The following MDGA2 variants were observed in gnomAD, a reference collection of about 807,000 sequenced individuals.
MDGA2 encodes MAM domain-containing glycosylphosphatidylinositol anchor protein 2.
In MDGA2, 40 loss-of-function variants were observed where a neutral mutation model predicts 117.8. The observed-to-expected ratio is 0.34, with a 90% CI of 0.26 to 0.44. MDGA2 has a LOEUF of 0.44. MDGA2 is among the 20% of genes least tolerant of loss of function. The probability of loss-of-function intolerance (pLI) is 1.00; values close to 1 mark genes in which losing one functional copy is unlikely to be tolerated. For synonymous variants in MDGA2, 452 were observed against 439.0 expected (o/e 1.03, Z -0.37); for missense variants, 1,123 against 1,250.6 (o/e 0.90, Z 1.54).
intron 8 of MDGA2, among the ~76,000 whole-genome samples, chr14:47,021,600 G>A (rs1297932118): frequency 6.6e-6 from 1 of 152,050 alleles, no homozygotes; most frequent in Admixed American, 6.5e-5. Flanking sequence ...ATGCAATTTT[G>A]TCATCCATGC....
chr14:47,405,830 C>T (rs1261594831), intron 1 of MDGA2, among the ~76,000 whole-genome samples: 2 of 152,096 alleles, frequency 1.3e-5, no homozygotes, highest in Non-Finnish European at 1.5e-5. Flanking sequence ...AAAAGATTTA[C>T]CTCTACAAAG....
At chr14:47,571,696 T>C (rs1002444120) in intron 1 of MDGA2, among the ~76,000 whole-genome samples, 2 of 150,270 alleles carry the variant, frequency 1.3e-5, no homozygotes, top group South Asian at 2.1e-4. Context: ...TAAGTGGGAA[T>C]TGATCAATGA....
At chr14:47,509,780 A>G (rs1455595124) in intron 1 of MDGA2, among the ~76,000 whole-genome samples, 1 of 152,192 alleles carries the variant, frequency 6.6e-6, no homozygotes, top group Non-Finnish European at 1.5e-5. Context: ...CTATCTTATG[A>G]CTGCCTCCAA....
intron 1 of MDGA2, among the ~76,000 whole-genome samples, chr14:47,648,593 G>T (rs1897579888): frequency 6.6e-6 from 1 of 151,906 alleles, no homozygotes; most frequent in Non-Finnish European, 1.5e-5. Context: ...CACAAGCAAA[G>T]TTCAGCTGCA....
chr14:46,968,574 C>T (rs567925606), intron 8 of MDGA2, among the ~76,000 whole-genome samples: 2 of 152,174 alleles, frequency 1.3e-5, no homozygotes, highest in Admixed American at 6.5e-5. Context: ...TGACTCACAC[C>T]TGTAATCCCG....
At chr14:47,013,324 ACTTT>A (rs1254050241) in intron 8 of MDGA2, among the ~76,000 whole-genome samples, 2 of 152,118 alleles carry the variant, frequency 1.3e-5, no homozygotes, top group Non-Finnish European at 1.5e-5. Flanking sequence ...TCAAGAAACC[ACTTT>A]CTTTGCTTAT....
chr14:46,946,853 A>G (rs1238963471), intron 9 of MDGA2, among the ~76,000 whole-genome samples: 1 of 152,080 alleles, frequency 6.6e-6, no homozygotes, highest in African/African-American at 2.4e-5. Flanking sequence ...TTCAGTGTCA[A>G]CAACTCCCTA....
intron 1 of MDGA2, among the ~76,000 whole-genome samples, chr14:47,534,565 G>A (rs1417668134): frequency 1.3e-5 from 2 of 152,096 alleles, no homozygotes; most frequent in African/African-American, 2.4e-5. Context: ...ATCAGATCTC[G>A]TGAGAACTCG....
At position 46,874,068 on chromosome 14, in the gene MDGA2, G is replaced by A. The variant is rs368018150; in HGVS notation, c.2570C>T (p.Ala857Val). The change falls in exon 13 of 17, where the codon GCT (alanine) becomes GTT (valine). Residue 857 changes from alanine to valine, a missense_variant. Physicochemically the swap from Ala to Val is moderately conservative, Grantham distance 64. Coordinates refer to ENST00000399232, the MANE Select transcript of MDGA2 (RefSeq NM_001113498.3). ...TKYTPNTGPN[A>V]DRSGSKEGFY... ...ACCTTCTTTGGAGCCACTACGGTCA[G>A]CATTAGGTCCTGTATTAGGAGTATA... 4.5e-6 allele frequency: 7 copies of A among 1,554,344 alleles called. No homozygotes were observed. The highest frequency in any genetic ancestry group is 8.7e-7 in the Non-Finnish European group (1 of 1,155,354).
chr14:47,662,546 G>C (rs1161467233), intron 1 of MDGA2, among the ~76,000 whole-genome samples: 1 of 152,112 alleles, frequency 6.6e-6, no homozygotes, highest in East Asian at 1.9e-4. Flanking sequence ...AAGTAAAACT[G>C]AAACACTGTT....
At chr14:47,369,660 C>A (rs1566757699) in intron 1 of MDGA2, among the ~76,000 whole-genome samples, 1 of 152,088 alleles carries the variant, frequency 6.6e-6, no homozygotes, top group Non-Finnish European at 1.5e-5. Context: ...TTTTGCATTT[C>A]ATTTAATTAT....
At chr14:47,064,429 T>C (rs1223835956) in intron 6 of MDGA2, among the ~76,000 whole-genome samples, 2 of 152,068 alleles carry the variant, frequency 1.3e-5, no homozygotes, top group Non-Finnish European at 2.9e-5. Context: ...TGGTTTTGCA[T>C]ACAAAAAAGA....
rs1566536825 is a variant in MDGA2 at position 46,941,412 on chromosome 14, A to C, written c.2089+15962T>G. 4.6e-5 allele frequency among the ~76,000 whole-genome samples: 7 copies of C among 152,314 alleles called. No homozygotes were observed. In the South Asian group the frequency reaches 1.4e-3, roughly 32 times the overall value. On this transcript the variant is annotated intron_variant, in intron 9 of 16. Transcript: ENST00000399232. ...AATCTCTCTTGATAAAAGATGCCAG[A>C]TCAGGCTGTGGGCTATCATCTGTGG...
At chr14:47,570,702 T>A (rs964071773) in intron 1 of MDGA2, among the ~76,000 whole-genome samples, 1 of 152,148 alleles carries the variant, frequency 6.6e-6, no homozygotes, top group Non-Finnish European at 1.5e-5. Flanking sequence ...TGTCTAGCCA[T>A]ATGCAGAAAG....
intron 1 of MDGA2, among the ~76,000 whole-genome samples, chr14:47,394,934 C>T (rs1280359223): frequency 1.6e-4 from 24 of 152,100 alleles, no homozygotes; most frequent in Admixed American, 1.5e-3. Context: ...GGGAAGATTA[C>T]TTGAGGGCAG....
intron 8 of MDGA2, among the ~76,000 whole-genome samples, chr14:47,034,076 A>G (rs1888755127): frequency 6.6e-6 from 1 of 152,204 alleles, no homozygotes; most frequent in Non-Finnish European, 1.5e-5. Flanking sequence ...TTGATATTGT[A>G]TATTTAACAA....
At chr14:47,136,216 T>G (rs1195869163) in intron 4 of MDGA2, among the ~76,000 whole-genome samples, 1 of 143,074 alleles carries the variant, frequency 7.0e-6, no homozygotes, top group Non-Finnish European at 1.5e-5. Flanking sequence ...TTTTTTTTTT[T>G]GAGACATAGT....
chr14:47,176,493 A>T (rs1435616971), intron 3 of MDGA2, among the ~76,000 whole-genome samples: 1 of 151,994 alleles, frequency 6.6e-6, no homozygotes, highest in Non-Finnish European at 1.5e-5. Flanking sequence ...CAGAAATAAC[A>T]CTGCATATCT....
intron 6 of MDGA2, among the ~76,000 whole-genome samples, chr14:47,091,684 G>C (rs1459982517): frequency 6.6e-6 from 1 of 151,996 alleles, no homozygotes; most frequent in African/African-American, 2.4e-5. Context: ...TGCACAGTAA[G>C]AATTTTCCAG....
Sources: allele counts gnomAD v4.1 joint callset (sites outside exome capture counted in the v4.1 genomes callset), GRCh38; gene constraint gnomAD v4.1.1; transcripts MANE v1.5; gene names NCBI Gene and HGNC (gene_info 2026-07-23, HGNC 2026-07-21).